VPS36: variants seen among roughly 807,000 people sequenced by gnomAD.
The protein encoded by VPS36 is vacuolar protein-sorting-associated protein 36.
Under a neutral mutation model 63.5 loss-of-function variants are expected in VPS36, and 31 were observed. The ratio of observed to expected loss-of-function variants is 0.49; its 90% confidence interval spans 0.37 to 0.66. VPS36 has a LOEUF of 0.66. Among genes scored for constraint, VPS36 ranks in the 30% least tolerant of loss-of-function variants. VPS36 has a pLI of 0.00. For missense variants in VPS36, 338 were observed against 463.7 expected, an observed-to-expected ratio of 0.73 and a Z score of 2.49; for synonymous variants, 138 against 157.2, an observed-to-expected ratio of 0.88 and a Z score of 0.91.
At chr13:52,441,987 C>A (rs143561391) in intron 2 of VPS36, among the ~76,000 whole-genome samples, 2 of 152,128 alleles carry the variant, frequency 1.3e-5, no homozygotes, top group African/African-American at 4.8e-5. Context: ...TAGAATTTGA[C>A]TAGTATTTAA....
intron 5 of VPS36, among the ~76,000 whole-genome samples, chr13:52,434,457 C>G (rs1441677471): frequency 6.6e-6 from 1 of 152,178 alleles, no homozygotes; most frequent in Non-Finnish European, 1.5e-5. Context: ...CTCCTGGGTT[C>G]AGGTGACTCT....
chr13:52,449,791 T>C (rs772504487), intron 1 of VPS36: 18 of 376,832 alleles, frequency 4.8e-5, no homozygotes, highest in Non-Finnish European at 5.8e-5. Flanking sequence ...TTCTAAGATT[T>C]ATGCTTGCAC....
At chr13:52,420,038 C>A (rs1958030863) in intron 10 of VPS36, among the ~76,000 whole-genome samples, 1 of 151,970 alleles carries the variant, frequency 6.6e-6, no homozygotes, top group Admixed American at 6.6e-5. Context: ...GGCAGGAGTT[C>A]AAGACCAGCC....
At chr13:52,443,626 C>A (rs1384989151) in intron 1 of VPS36, among the ~76,000 whole-genome samples, 1 of 152,138 alleles carries the variant, frequency 6.6e-6, no homozygotes, top group Non-Finnish European at 1.5e-5. Context: ...TTTAAGCCAC[C>A]CAGGCTATGC....
rs548109410 is a variant in VPS36, at chr13:52,439,887, T to C, written c.166-719A>G. The stretch of plus-strand genomic sequence containing the variant: ...TTTATGTAGATGACTTTCTCTTCTT[T>C]ATAATTTTCCATACTTCACTCATAT... On this transcript the variant is annotated intron_variant, in intron 2 of 13. Transcript: ENST00000378060. 3.3e-5 allele frequency among the ~76,000 whole-genome samples: 5 copies of C among 152,376 alleles called. No individual in the cohort carries two copies. In the East Asian group the frequency reaches 9.6e-4, roughly 29 times the overall value.
chr13:52,432,504 G>A (rs1958169980), intron 6 of VPS36, among the ~76,000 whole-genome samples: 1 of 152,130 alleles, frequency 6.6e-6, no homozygotes, highest in African/African-American at 2.4e-5. Context: ...GTAGATAAGG[G>A]AAACATTTCT....
chr13:52,434,963 CT>C (rs981154726), intron 4 of VPS36, 81 bp from the exon 5 acceptor site: 162 of 1,050,594 alleles, frequency 1.5e-4, no homozygotes, highest in Non-Finnish European at 2.0e-4. Context: ...ACATTTCTTT[CT>C]TTTTTTCTTT....
intron 4 of VPS36, among the ~76,000 whole-genome samples, chr13:52,435,614 T>C (rs1035524130): frequency 2.0e-5 from 3 of 152,158 alleles, no homozygotes; most frequent in African/African-American, 7.2e-5. Flanking sequence ...AACCAAAAAG[T>C]AGGACCAAAA....
At chr13:52,417,463 C>T (rs552694362) in intron 11 of VPS36, among the ~76,000 whole-genome samples, 11 of 152,254 alleles carry the variant, frequency 7.2e-5, no homozygotes, top group East Asian at 3.9e-4. Context: ...CGGGTTCAAG[C>T]GATTCTCCTG....
chr13:52,444,288 T>C (rs1185351903), intron 1 of VPS36, among the ~76,000 whole-genome samples: 3 of 151,904 alleles, frequency 2.0e-5, no homozygotes, highest in Non-Finnish European at 2.9e-5. Flanking sequence ...AAACCCCGTC[T>C]CTACTTTAAA....
intron 1 of VPS36, among the ~76,000 whole-genome samples, chr13:52,443,324 A>G (rs1251187298): frequency 1.3e-5 from 2 of 152,228 alleles, no homozygotes; most frequent in African/African-American, 4.8e-5. Context: ...CATATGTTGA[A>G]GCCCTAACCC....
chr13:52,435,262 C>T (rs904946572), intron 4 of VPS36, among the ~76,000 whole-genome samples: 4 of 152,046 alleles, frequency 2.6e-5, no homozygotes, highest in Admixed American at 1.3e-4. Flanking sequence ...TGAGCCACCG[C>T]GCCCGGCCAC....
chr13:52,424,964 G>T (rs1048200920), intron 9 of VPS36, among the ~76,000 whole-genome samples: 15 of 151,752 alleles, frequency 9.9e-5, no homozygotes, highest in African/African-American at 3.4e-4. Flanking sequence ...CTCCAGACTG[G>T]GCGACAATAG....
In VPS36 at chr13:52,412,632, A is replaced by G. The variant is rs1957958637; in HGVS notation, c.*3198T>C. 1 of 152,156 alleles carries G rather than the reference A, an allele frequency of 6.6e-6. No homozygotes were observed. Among genetic ancestry groups the G allele is most frequent in the African/African-American group, 2.4e-5 (1 of 41,450 alleles). The allele number at this position is 152,156 out of a possible 1,614,324, so 9.4% of individuals were successfully genotyped here. A position where few individuals can be genotyped will look rare whatever the true frequency, so the allele number is the denominator to read the frequency against. On this transcript the variant is annotated 3_prime_UTR_variant, in exon 14 of 14. Transcript: ENST00000378060. ...ATGTGTTCAAAAAAATGTTTTTTTT[A>G]TTGAATTGAATGGGAGCTAAAGTAG...
chr13:52,436,680 A>C (rs907810627), intron 3 of VPS36, among the ~76,000 whole-genome samples: 1 of 152,196 alleles, frequency 6.6e-6, no homozygotes, highest in African/African-American at 2.4e-5. Flanking sequence ...GGTCAAAATA[A>C]ATTTGCAAAA....
chr13:52,436,536 CT>C, intron 3 of VPS36, 132 bp from the exon 4 acceptor site: 1 of 669,124 alleles, frequency 1.5e-6, no homozygotes, highest in Non-Finnish European at 2.5e-6. Flanking sequence ...AAAAAGCATC[CT>C]TTTAAAGTGT....
At chr13:52,442,272 AG>A (rs1288459417) in intron 2 of VPS36, 104 bp downstream of exon 2, 1 of 994,600 alleles carries the variant, frequency 1.0e-6, no homozygotes, top group Non-Finnish European at 1.4e-6. Flanking sequence ...GAATCACTTG[AG>A]CCCAGAGGTT....
chr13:52,444,043 A>G (rs1202361155), intron 1 of VPS36, among the ~76,000 whole-genome samples: 1 of 152,234 alleles, frequency 6.6e-6, no homozygotes, highest in Admixed American at 6.5e-5. Flanking sequence ...ACAACAAAAA[A>G]CAGTTACAAG....
chr13:52,441,016 A>G (rs2137804775), intron 2 of VPS36, among the ~76,000 whole-genome samples: 1 of 152,294 alleles, frequency 6.6e-6, no homozygotes, highest in African/African-American at 2.4e-5. Flanking sequence ...ATGAGAATCT[A>G]ATGCGTCTGC....
Sources: allele counts gnomAD v4.1 joint callset (sites outside exome capture counted in the v4.1 genomes callset), GRCh38; gene constraint gnomAD v4.1.1; transcripts MANE v1.5; gene names NCBI Gene and HGNC (gene_info 2026-07-23, HGNC 2026-07-21).